Variants in C16orf89 observed in about 807,000 individuals in gnomAD.
The protein encoded by C16orf89 is chromosome 16 open reading frame 89, also known as UPF0764 protein C16orf89.
Under a neutral mutation model 41.5 loss-of-function variants are expected in C16orf89, and 57 were observed. The observed-to-expected ratio is 1.38, with a 90% CI of 1.11 to 1.71. The LOEUF (loss-of-function observed/expected upper bound fraction) is 1.71, where lower values mean the gene tolerates loss of function less well. C16orf89 is among the 40% of genes most tolerant of loss of function. C16orf89 has a pLI of 0.00. For missense variants in C16orf89, 575 were observed against 445.9 expected (o/e 1.29, Z -2.61); for synonymous variants, 223 against 190.6 (o/e 1.17, Z -1.40).
intron 6 of C16orf89, among the ~76,000 whole-genome samples, chr16:5,052,017 C>A: frequency 6.8e-6 from 1 of 146,556 alleles, no homozygotes; most frequent in African/African-American, 2.5e-5. Flanking sequence ...GCAGGAGAAT[C>A]GCTTGAACCC....
At chr16:5,048,050 A>G in intron 6 of C16orf89, 86 bp from the exon 7 acceptor site, 2 of 765,664 alleles carry the variant, frequency 2.6e-6, no homozygotes, top group Admixed American at 2.3e-5. Flanking sequence ...TATTGTAGAG[A>G]CAGGGTCTCA....
At chr16:5,055,938 CGTGTGT>C (rs531301214) in intron 5 of C16orf89, 109 bp downstream of exon 5, 38,910 of 901,856 alleles carry the variant, frequency 0.043, 777 homozygotes, top group East Asian at 0.1. Context: ...CTGGCAACTC[CGTGTGT>C]GTGTGTGTGT....
chr16:5,064,846 G>C (rs1956702414), intron 1 of C16orf89, among the ~76,000 whole-genome samples: 1 of 152,316 alleles, frequency 6.6e-6, no homozygotes, highest in Non-Finnish European at 1.5e-5. Flanking sequence ...GCCCAGTCAT[G>C]ATTAAGAGAA....
At chr16:5,055,558 G>C in intron 5 of C16orf89, 1 of 1,094,126 alleles carries the variant, frequency 9.1e-7, no homozygotes, top group Non-Finnish European at 1.3e-6. Flanking sequence ...TCCCACTGAG[G>C]GCCTTGGTCA....
intron 6 of C16orf89, among the ~76,000 whole-genome samples, chr16:5,053,790 G>A (rs1206361434): frequency 6.6e-6 from 1 of 152,170 alleles, no homozygotes; most frequent in African/African-American, 2.4e-5. Flanking sequence ...CAAGCCATCT[G>A]CCTGCCTTGG....
intron 1 of C16orf89, 65 bp from the exon 2 acceptor site, chr16:5,062,639 AAG>A: frequency 1.4e-6 from 2 of 1,465,312 alleles, no homozygotes; most frequent in South Asian, 2.7e-5. Flanking sequence ...GCCTTGGAAC[AAG>A]AAAAAAAAAT....
In C16orf89 at chr16:5,056,187, C is replaced by G; in HGVS notation, c.629G>C (p.Arg210Thr). 2 of 1,583,932 alleles carry G rather than the reference C, an allele frequency of 1.3e-6. No homozygotes were observed. Among genetic ancestry groups the G allele is most frequent in the Non-Finnish European group, 1.7e-6 (2 of 1,155,014 alleles). Residue 210 changes from arginine (R) to threonine (T), a missense_variant and splice_region_variant, in exon 5 of 8, where the codon AGG (arginine) becomes ACG (threonine). Coordinates refer to ENST00000472572, the MANE Select transcript of C16orf89 (RefSeq NM_001098514.3). The stretch of plus-strand genomic sequence containing the variant: ...TTGGAGTGGTCCCTGTGTGCACCCC[C>G]TCTGGGGAGACAAACACCCAAAGAC... The part of the protein sequence containing the change: ...QLLFFLWARM[R>T]GCTQGPLQQS...
chr16:5,056,153 C>A lies in C16orf89; in HGVS notation c.663G>T (p.Gln221His). The A allele has an allele frequency of 6.3e-7, 1 of 1,595,320 alleles. No homozygotes were observed. The highest frequency in any genetic ancestry group is 1.3e-5 in the African/African-American group (1 of 74,698). Residue 221 changes from glutamine to histidine, a missense_variant, in exon 5 of 8, where the codon CAG becomes CAT. By Grantham distance (24) the Gln-to-His change is conservative (BLOSUM62 0). Transcript: ENST00000472572. ...TGGCGCAGAAGAGGTTGATATAGTC[C>A]TGGCTCTGTTGGAGTGGTCCCTGTG... ...GCTQGPLQQS[Q>H]DYINLFCANM...
At chr16:5,059,532 C>T (rs965478261) in intron 3 of C16orf89, among the ~76,000 whole-genome samples, 2 of 152,102 alleles carry the variant, frequency 1.3e-5, no homozygotes, top group African/African-American at 2.4e-5. Flanking sequence ...CCAGCCCCTC[C>T]GTGAATCCAG....
chr16:5,058,411 G>T (rs891756334), intron 4 of C16orf89, 82 bp downstream of exon 4: 16 of 1,267,698 alleles, frequency 1.3e-5, no homozygotes, highest in Non-Finnish European at 1.8e-5. Flanking sequence ...TGGATTACAG[G>T]CATGAGCCAC....
intron 6 of C16orf89, among the ~76,000 whole-genome samples, chr16:5,054,204 C>A (rs1036501485): frequency 6.6e-6 from 1 of 152,222 alleles, no homozygotes; most frequent in African/African-American, 2.4e-5. Flanking sequence ...CTGGCACAGG[C>A]TATGCGGCTT....
At chr16:5,063,497 C>T (rs184795077) in intron 1 of C16orf89, among the ~76,000 whole-genome samples, 86 of 152,258 alleles carry the variant, frequency 5.6e-4, no homozygotes, top group African/African-American at 1.4e-3. Context: ...GGAATGGGGC[C>T]GCACAGCAGG....
intron 6 of C16orf89, among the ~76,000 whole-genome samples, chr16:5,051,545 T>G (rs1432785020): frequency 6.6e-6 from 1 of 152,002 alleles, no homozygotes; most frequent in Admixed American, 6.6e-5. Context: ...TGAAAGAAAT[T>G]GAAGAGAACA....
intron 6 of C16orf89, among the ~76,000 whole-genome samples, chr16:5,053,554 T>C (rs1390947568): frequency 2.0e-5 from 3 of 151,692 alleles, no homozygotes; most frequent in Non-Finnish European, 4.4e-5. Context: ...TTTTTTTTTT[T>C]TTTAAAGACA....
At chr16:5,052,634 C>T (rs1164488666) in intron 6 of C16orf89, among the ~76,000 whole-genome samples, 1 of 151,754 alleles carries the variant, frequency 6.6e-6, no homozygotes. Flanking sequence ...ATAACAAATG[C>T]TGGCAAAGAT....
In C16orf89 at chr16:5,055,370, C is replaced by A. The variant is rs1226449696; in HGVS notation, c.764-20G>T. On this transcript the variant is annotated intron_variant, in intron 5 of 7. Transcript: ENST00000472572. ...ACATGACTGGAAGTAAAGACGGGGG[C>A]CCTCTGCAGGCCTGCCCCCCAGGCC... 1.3e-6 allele frequency: 2 copies of A among 1,573,634 alleles called. No homozygotes were observed. The highest frequency in any genetic ancestry group is 1.7e-5 in the Admixed American group (1 of 57,234).
At chr16:5,055,046 C>G (rs753743563) in intron 6 of C16orf89, among the ~76,000 whole-genome samples, 200 bp downstream of exon 6, 2 of 152,218 alleles carry the variant, frequency 1.3e-5, no homozygotes, top group Non-Finnish European at 2.9e-5. Flanking sequence ...AAGACGGCCT[C>G]CTGTCTTGCC....
At chr16:5,050,720 C>A (rs1313185352) in intron 6 of C16orf89, among the ~76,000 whole-genome samples, 1 of 152,146 alleles carries the variant, frequency 6.6e-6, no homozygotes, top group Non-Finnish European at 1.5e-5. Flanking sequence ...CCTGATGAAC[C>A]TAGATGCAAA....
intron 4 of C16orf89, among the ~76,000 whole-genome samples, chr16:5,056,593 C>T (rs533821732): frequency 1.3e-5 from 2 of 152,058 alleles, no homozygotes; most frequent in Admixed American, 6.5e-5. Context: ...CAATGTACAA[C>T]GAGCCTGAAC....
Sources: gnomAD v4.1 joint callset for allele counts (sites outside exome capture counted in the v4.1 genomes callset) on GRCh38, gnomAD v4.1.1 for gene constraint, MANE v1.5 for transcripts, NCBI Gene and HGNC (gene_info 2026-07-23, HGNC 2026-07-21) for gene names.